Variants in SFMBT2 observed in about 807,000 individuals in gnomAD.
SFMBT2 encodes Scm like with four mbt domains 2.
In SFMBT2, 38 loss-of-function variants were observed where a neutral mutation model predicts 110.1. The observed-to-expected ratio is 0.35, with a 90% confidence interval of 0.27 to 0.45. The LOEUF is 0.45. SFMBT2 is among the 20% of genes least tolerant of loss of function. The pLI, the probability that SFMBT2 is intolerant of heterozygous loss-of-function variation, is 1.00. For missense variants in SFMBT2, 1,011 were observed against 1,094.9 expected (o/e 0.92, Z 1.08); for synonymous variants, 425 against 425.4 (o/e 1.00, Z 0.01).
intron 4 of SFMBT2, among the ~76,000 whole-genome samples, chr10:7,319,749 A>AGG (rs1486282986): frequency 2.6e-5 from 4 of 151,146 alleles, no homozygotes; most frequent in Non-Finnish European, 5.9e-5. Context: ...AGAGAGACAG[A>AGG]GAGAGAGAGA....
chr10:7,304,560 G>A (rs1457338503), intron 4 of SFMBT2, among the ~76,000 whole-genome samples: 1 of 152,162 alleles, frequency 6.6e-6, no homozygotes, highest in Non-Finnish European at 1.5e-5. Context: ...TAACAAATCA[G>A]TGTCAGAACT....
At chr10:7,224,198 A>C (rs1204146565) in intron 10 of SFMBT2, among the ~76,000 whole-genome samples, 2 of 152,118 alleles carry the variant, frequency 1.3e-5, no homozygotes, top group Non-Finnish European at 2.9e-5. Flanking sequence ...CAAAAGTGTC[A>C]ACTTTTCTAT....
intron 11 of SFMBT2, among the ~76,000 whole-genome samples, chr10:7,211,352 G>T (rs1322975163): frequency 1.3e-5 from 2 of 152,122 alleles, no homozygotes; most frequent in African/African-American, 4.8e-5. Context: ...CCCCTTCAGT[G>T]AGAATGTGCT....
At chr10:7,278,070 C>T (rs1026059387) in intron 6 of SFMBT2, among the ~76,000 whole-genome samples, 2 of 152,246 alleles carry the variant, frequency 1.3e-5, no homozygotes, top group Non-Finnish European at 2.9e-5. Flanking sequence ...TACACAAAGA[C>T]ACACAAAGGG....
intron 14 of SFMBT2, among the ~76,000 whole-genome samples, chr10:7,199,933 A>C (rs893969829): frequency 1.3e-5 from 2 of 152,238 alleles, no homozygotes; most frequent in African/African-American, 4.8e-5. Context: ...GTAAGATGTA[A>C]GACTTTACAC....
At chr10:7,291,376 A>G (rs945055897) in intron 4 of SFMBT2, among the ~76,000 whole-genome samples, 2 of 152,132 alleles carry the variant, frequency 1.3e-5, no homozygotes, top group African/African-American at 4.8e-5. Context: ...TGCTTCTTTG[A>G]ATTCATTCCA....
At chr10:7,205,197 C>T (rs1839088714) in intron 12 of SFMBT2, 1 of 206,642 alleles carries the variant, frequency 4.8e-6, no homozygotes, top group Admixed American at 6.5e-5. Context: ...ATCCTCCCAC[C>T]TCAGCCTCCA....
Position 7,163,195 on chromosome 10 carries a change from G to T in SFMBT2, c.*575C>A, listed in dbSNP as rs191392593. 3.8e-4 allele frequency: 61 copies of T among 159,260 alleles called. No individual in the cohort carries two copies. Among genetic ancestry groups the T allele is most frequent in the Non-Finnish European group, 3.0e-4 (22 of 72,642 alleles). 9.9% of individuals were successfully genotyped at this position (159,260 alleles called of 1,614,324 possible). On this transcript the variant is annotated 3_prime_UTR_variant, in exon 21 of 21. Transcript: ENST00000397167. This position sits in a 1 kb window ranked among gnomAD's most constrained non-coding sequence, Gnocchi z 4.8. ...GCCTGCCGGCCTTCCTTCACTCCCC[G>T]TATTCCTAAAAGGCACCTCTAACAG...
intron 1 of SFMBT2, among the ~76,000 whole-genome samples, chr10:7,391,309 T>C (rs183544978): frequency 7.5e-4 from 114 of 151,496 alleles, no homozygotes; most frequent in African/African-American, 2.7e-3. Flanking sequence ...CTATTAAGAA[T>C]AGAAAAATTA....
intron 14 of SFMBT2, among the ~76,000 whole-genome samples, chr10:7,199,842 A>C (rs1838895517): frequency 6.6e-6 from 1 of 152,238 alleles, no homozygotes; most frequent in Non-Finnish European, 1.5e-5. Flanking sequence ...CTTTTTAATC[A>C]AGTATGATAA....
chr10:7,234,682 C>T (rs990209407), intron 9 of SFMBT2, among the ~76,000 whole-genome samples: 2 of 152,032 alleles, frequency 1.3e-5, no homozygotes, highest in African/African-American at 2.4e-5. Context: ...AGTAGCCGGG[C>T]GGGACGATCT....
chr10:7,304,338 C>T (rs1448516853), intron 4 of SFMBT2, among the ~76,000 whole-genome samples: 2 of 152,280 alleles, frequency 1.3e-5, no homozygotes, highest in East Asian at 3.9e-4. Flanking sequence ...CTTTGTTCCC[C>T]TTTGACTTCC....
intron 4 of SFMBT2, among the ~76,000 whole-genome samples, chr10:7,316,298 T>G (rs968973011): frequency 2.6e-5 from 4 of 152,086 alleles, no homozygotes; most frequent in Admixed American, 6.6e-5. Context: ...GCAGAAAAGA[T>G]GCTACGGCCA....
At chr10:7,232,468 T>A (rs1300951020) in intron 9 of SFMBT2, among the ~76,000 whole-genome samples, 1 of 152,062 alleles carries the variant, frequency 6.6e-6, no homozygotes, top group Admixed American at 6.6e-5. Context: ...TGTGCAGTAA[T>A]AGAAAATGAG....
chr10:7,236,886 A>G (rs548966853), intron 9 of SFMBT2, among the ~76,000 whole-genome samples: 1 of 152,344 alleles, frequency 6.6e-6, no homozygotes, highest in Admixed American at 6.5e-5. Flanking sequence ...GAAAGAATTC[A>G]TGTTAGAATA....
At chr10:7,175,361 C>T (rs765670101) in intron 17 of SFMBT2, among the ~76,000 whole-genome samples, 9 of 152,164 alleles carry the variant, frequency 5.9e-5, no homozygotes, top group African/African-American at 7.2e-5. Flanking sequence ...CAGACATCCT[C>T]GAATGGGACT....
chr10:7,379,083 G>A (rs919723285), intron 2 of SFMBT2, among the ~76,000 whole-genome samples: 1 of 152,108 alleles, frequency 6.6e-6, no homozygotes, highest in African/African-American at 2.4e-5. Flanking sequence ...AGGATTAGGT[G>A]AATTAACACA....
At chr10:7,283,845 A>C in intron 6 of SFMBT2, 59 bp downstream of exon 6, 1 of 1,147,052 alleles carries the variant, frequency 8.7e-7, no homozygotes, top group East Asian at 2.3e-5. Context: ...AAACACATCC[A>C]GGAAAATATC....
chr10:7,370,195 T>G, intron 3 of SFMBT2, 86 bp downstream of exon 3: 2 of 1,220,978 alleles, frequency 1.6e-6, no homozygotes, highest in South Asian at 1.2e-5. Context: ...TCTGCCCTTC[T>G]TCCATTGAGT....
Sources: allele counts gnomAD v4.1 joint callset (sites outside exome capture counted in the v4.1 genomes callset), GRCh38; gene constraint gnomAD v4.1.1; non-coding constraint Gnocchi (gnomAD v3.1); transcripts MANE v1.5; gene names NCBI Gene and HGNC (gene_info 2026-07-23, HGNC 2026-07-21).